The following CSMD1 variants were observed in gnomAD, a reference collection of about 807,000 sequenced individuals.
The protein encoded by CSMD1 is CUB and sushi domain-containing protein 1.
Under a neutral mutation model 417.5 loss-of-function variants are expected in CSMD1, and 213 were observed. The observed-to-expected ratio is 0.51, with a 90% confidence interval of 0.46 to 0.57. The LOEUF (loss-of-function observed/expected upper bound fraction) is 0.57. Among genes scored for constraint, CSMD1 ranks in the 20% least tolerant of loss-of-function variants. The probability of loss-of-function intolerance (pLI) is 0.00; values close to 1 mark genes in which losing one functional copy is unlikely to be tolerated. For missense variants in CSMD1, 6,923 were observed against 4,529.7 expected, an observed-to-expected ratio of 1.53 and a Z score of -15.17; for synonymous variants, 2,862 against 1,736.8, an observed-to-expected ratio of 1.65 and a Z score of -16.11.
intron 7 of CSMD1, among the ~76,000 whole-genome samples, chr8:3,681,794 T>C (rs922108393): frequency 6.6e-6 from 1 of 152,156 alleles, no homozygotes; most frequent in African/African-American, 2.4e-5. Context: ...TAAACTATAC[T>C]ACAAGGCTAC....
At chr8:3,326,805 C>G (rs1171028920) in intron 23 of CSMD1, among the ~76,000 whole-genome samples, 1 of 152,128 alleles carries the variant, frequency 6.6e-6, no homozygotes, top group Non-Finnish European at 1.5e-5. Context: ...TATAGGCTTT[C>G]TTTTCTTATA....
chr8:3,285,446 T>C (rs918590862), intron 25 of CSMD1, among the ~76,000 whole-genome samples: 1 of 151,770 alleles, frequency 6.6e-6, no homozygotes, highest in Non-Finnish European at 1.5e-5. Flanking sequence ...GAGTGCAGTG[T>C]CATGATCTTG....
intron 1 of CSMD1, among the ~76,000 whole-genome samples, chr8:4,688,331 T>C (rs753934246): frequency 1.3e-5 from 2 of 152,104 alleles, no homozygotes; most frequent in Non-Finnish European, 2.9e-5. Context: ...GCAGGTCAAG[T>C]CACCAGAACT....
At chr8:4,286,432 G>T (rs79930554) in intron 3 of CSMD1, among the ~76,000 whole-genome samples, 1 of 152,126 alleles carries the variant, frequency 6.6e-6, no homozygotes, top group African/African-American at 2.4e-5. Flanking sequence ...ATCATGGAGA[G>T]TATGTTTAGT....
chr8:3,469,003 C>G lies in CSMD1; in HGVS notation c.1449-179G>C, dbSNP rs548751466. 3.6e-4 allele frequency: 166 copies of G among 457,832 alleles called. 1 individual carries two copies. Among genetic ancestry groups the G allele is most frequent in the Admixed American group, 2.5e-3 (62 of 24,792 alleles). The allele number at this position is 457,832 out of a possible 1,614,324, so 28.4% of individuals were successfully genotyped here. ...TATTAATATTCAAACATCACTATCA[C>G]TGGTGCTTTACAGAAATTACTCTAT... On this transcript the variant is annotated intron_variant, in intron 11 of 69. Coordinates refer to ENST00000635120, the MANE Select transcript of CSMD1 (RefSeq NM_033225.6).
chr8:2,938,768 A>G (rs972853848), intron 69 of CSMD1, 24 bp from the exon 70 acceptor site: 3 of 1,577,762 alleles, frequency 1.9e-6, no homozygotes, highest in Non-Finnish European at 2.6e-6. Flanking sequence ...AAAACAAATC[A>G]TTAGAATCCT....
chr8:4,320,718 T>C lies in CSMD1; in HGVS notation c.415+99235A>G, dbSNP rs532215494. 7.9e-4 allele frequency among the ~76,000 whole-genome samples: 120 copies of C among 152,328 alleles called. 1 individual carries two copies. The highest frequency in any genetic ancestry group is 1.5e-3 in the Non-Finnish European group (99 of 68,028). ...TTTTTTATGGCTGCATAGTATTCCA[T>C]GGTGTGTATGTGCCACATTTTATTT... On this transcript the variant is annotated intron_variant, in intron 3 of 69. Transcript: ENST00000635120.
intron 3 of CSMD1, among the ~76,000 whole-genome samples, chr8:4,360,978 A>G (rs974727108): frequency 1.3e-5 from 2 of 152,186 alleles, no homozygotes; most frequent in Non-Finnish European, 2.9e-5. Flanking sequence ...CTGACAGTAG[A>G]TATTTGACTA....
intron 1 of CSMD1, among the ~76,000 whole-genome samples, chr8:4,724,623 T>G (rs1020292590): frequency 6.6e-6 from 1 of 151,920 alleles, no homozygotes; most frequent in Non-Finnish European, 1.5e-5. Flanking sequence ...TGTGATATTA[T>G]TTGGAAAAAA....
chr8:3,484,569 T>A (rs965974156), intron 11 of CSMD1, among the ~76,000 whole-genome samples: 4 of 152,216 alleles, frequency 2.6e-5, no homozygotes, highest in African/African-American at 7.2e-5. Flanking sequence ...CTGGCCTTTA[T>A]GGGAAAGCCC....
At chr8:4,604,413 G>GCGCGCA (rs1563326977) in intron 2 of CSMD1, among the ~76,000 whole-genome samples, 8 of 151,258 alleles carry the variant, frequency 5.3e-5, no homozygotes, top group Middle Eastern at 3.4e-3. Flanking sequence ...GTGTGTGTGC[G>GCGCGCA]CGTGCGTAAA....
intron 3 of CSMD1, among the ~76,000 whole-genome samples, chr8:4,380,783 AT>A (rs79366180): frequency 0.11 from 16,930 of 152,256 alleles, 1,150 homozygotes; most frequent in Admixed American, 0.21. Flanking sequence ...CAAAAAGTAT[AT>A]TTAAAAAACT....
At chr8:2,980,806 A>C (rs1000245504) in intron 54 of CSMD1, among the ~76,000 whole-genome samples, 6 of 152,258 alleles carry the variant, frequency 3.9e-5, no homozygotes, top group Middle Eastern at 3.4e-3. Context: ...ATTGCATTAG[A>C]ATTGCTTGGA....
intron 3 of CSMD1, among the ~76,000 whole-genome samples, chr8:4,224,011 T>C (rs1336603540): frequency 6.6e-6 from 1 of 152,150 alleles, no homozygotes; most frequent in Non-Finnish European, 1.5e-5. Flanking sequence ...CCCAAACTCG[T>C]ATCCCGGGTA....
At chr8:3,673,369 T>C (rs554719760) in intron 7 of CSMD1, among the ~76,000 whole-genome samples, 1 of 152,332 alleles carries the variant, frequency 6.6e-6, no homozygotes, top group African/African-American at 2.4e-5. Context: ...TGATTCAGTA[T>C]TGGAAAATTA....
intron 8 of CSMD1, among the ~76,000 whole-genome samples, chr8:3,587,980 C>G (rs1248898832): frequency 6.6e-6 from 1 of 152,092 alleles, no homozygotes; most frequent in East Asian, 1.9e-4. Flanking sequence ...ATTTTCATTG[C>G]TAGCCATCAC....
Position 3,431,465 on chromosome 8 carries a change from A to T in CSMD1, c.1562-21860T>A, listed in dbSNP as rs961807354. On this transcript the variant is annotated intron_variant, in intron 12 of 69. Coordinates refer to ENST00000635120, the MANE Select transcript of CSMD1 (RefSeq NM_033225.6). ...ATGTCACTTTCAGTTTTAAAAGGCT[A>T]TTTAACTGGTATTCATCTTGCCGCC... 2.6e-5 allele frequency among the ~76,000 whole-genome samples: 4 copies of T among 152,108 alleles called. No individual in the cohort carries two copies. The East Asian group carries it at 7.7e-4, about 29-fold the overall frequency.
chr8:3,078,327 G>C (rs1330105266), intron 49 of CSMD1, among the ~76,000 whole-genome samples: 2 of 152,188 alleles, frequency 1.3e-5, no homozygotes, highest in Non-Finnish European at 2.9e-5. Context: ...AATAGGTGAA[G>C]TTTTGGGATG....
chr8:4,964,844 T>C (rs1380877891), intron 1 of CSMD1, among the ~76,000 whole-genome samples: 3 of 152,190 alleles, frequency 2.0e-5, no homozygotes, highest in Admixed American at 2.0e-4. Context: ...TTAATACCAG[T>C]CGTGTCTGAT....
Sources: allele counts gnomAD v4.1 joint callset (sites outside exome capture counted in the v4.1 genomes callset), GRCh38; gene constraint gnomAD v4.1.1; transcripts MANE v1.5; gene names NCBI Gene and HGNC (gene_info 2026-07-23, HGNC 2026-07-21).